Variants in INTS8 observed in about 807,000 individuals in gnomAD.
The protein encoded by INTS8 is protein kaonashi-1.
INTS8 carries 47 observed loss-of-function variants against 138.9 expected under a neutral mutation model. The observed-to-expected ratio is 0.34, with a 90% CI of 0.27 to 0.43. The LOEUF is 0.43. INTS8 is among the 20% of genes least tolerant of loss of function. The probability of loss-of-function intolerance (pLI) is 1.00; values close to 1 mark genes in which losing one functional copy is unlikely to be tolerated. For missense variants in INTS8, 996 were observed against 1,173.0 expected (o/e 0.85, Z 2.20); for synonymous variants, 392 against 400.9 (o/e 0.98, Z 0.27).
intron 10 of INTS8, among the ~76,000 whole-genome samples, chr8:94,844,752 CTTTTTT>C (rs966738887): frequency 1.5e-5 from 2 of 136,494 alleles, no homozygotes; most frequent in African/African-American, 2.7e-5. Flanking sequence ...TTTAGTTTTT[CTTTTTT>C]TTTTTTTTTT....
intron 10 of INTS8, among the ~76,000 whole-genome samples, chr8:94,845,465 C>G (rs1403950957): frequency 6.6e-6 from 1 of 152,030 alleles, no homozygotes; most frequent in South Asian, 2.1e-4. Flanking sequence ...ACCTTGTTTT[C>G]AAGGTTGTAT....
At chr8:94,847,779 A>C (rs182885481) in intron 10 of INTS8, among the ~76,000 whole-genome samples, 1 of 152,144 alleles carries the variant, frequency 6.6e-6, no homozygotes, top group African/African-American at 2.4e-5. Flanking sequence ...TGTTCCCTAC[A>C]TTGTTCCATG....
chr8:94,871,312 C>A (rs935891687), intron 20 of INTS8, among the ~76,000 whole-genome samples: 17 of 138,840 alleles, frequency 1.2e-4, no homozygotes, highest in South Asian at 2.4e-4. Context: ...ACTAAAAATA[C>A]AAAAAAAAAA....
chr8:94,865,601 C>T lies in INTS8; in HGVS notation c.2172C>T (p.Ile724=), dbSNP rs137943099. The change falls in exon 17 of 27, where the codon ATC becomes ATT. Residue 724 remains isoleucine, a synonymous_variant. Coordinates refer to ENST00000523731, the MANE Select transcript of INTS8 (RefSeq NM_017864.4). The stretch of plus-strand genomic sequence containing the variant: ...ACCTTTGGGAAGTTGTTGTTCAAAT[C>T]TGTAGTGTGTCCAGTCAGCACAAAC... ...AKDLWEVVVQ[I]CSVSSQHKRG... 110 of 1,614,004 alleles carry T rather than the reference C, an allele frequency of 6.8e-5. No individual in the cohort carries two copies. The highest frequency in any genetic ancestry group is 9.0e-5 in the Non-Finnish European group (106 of 1,179,988).
In INTS8 at chr8:94,880,144, G is replaced by A. The variant is rs1429052995; in HGVS notation, c.2898G>A (p.Leu966=). 6.2e-7 allele frequency: 1 copy of A among 1,611,272 alleles called. No individual in the cohort carries two copies. Among genetic ancestry groups the A allele is most frequent in the Admixed American group, 1.7e-5 (1 of 59,060 alleles). Residue 966 remains leucine, a synonymous_variant, in exon 27 of 27, where the codon TTG becomes TTA. Coordinates refer to ENST00000523731, the MANE Select transcript of INTS8 (RefSeq NM_017864.4). ...IAIKAIGQTE[L]NASNPEEVLQ... The stretch of plus-strand genomic sequence containing the variant: ...TCAAAGCCATCGGCCAGACAGAGTT[G>A]AATGCAAGCAATCCAGAAGAAGTGT...
intron 7 of INTS8, 135 bp downstream of exon 7, chr8:94,836,766 G>T (rs1359911575): frequency 1.1e-5 from 6 of 545,088 alleles, no homozygotes; most frequent in East Asian, 3.2e-5. Context: ...TACTAAAACT[G>T]GTTTTTAAAA....
chr8:94,844,120 C>G (rs1815242661), intron 10 of INTS8, among the ~76,000 whole-genome samples: 2 of 151,518 alleles, frequency 1.3e-5, no homozygotes, highest in African/African-American at 4.8e-5. Flanking sequence ...CTCACTGCAA[C>G]CTCCGCCTCC....
intron 16 of INTS8, 42 bp downstream of exon 16, chr8:94,859,674 T>G (rs1815881531): frequency 6.7e-7 from 1 of 1,498,378 alleles, no homozygotes; most frequent in Non-Finnish European, 9.2e-7. Context: ...GATGGTATTA[T>G]TATACTTGTT....
At chr8:94,827,497 T>C in intron 3 of INTS8, 94 bp downstream of exon 3, 5 of 1,418,328 alleles carry the variant, frequency 3.5e-6, no homozygotes, top group Non-Finnish European at 4.9e-6. Flanking sequence ...CCCATTCTGC[T>C]GCAGGGATTT....
chr8:94,870,058 T>A (rs1816337477), intron 20 of INTS8, among the ~76,000 whole-genome samples: 1 of 146,778 alleles, frequency 6.8e-6, no homozygotes. Context: ...TATTTATTTA[T>A]TTTTTTTTTT....
chr8:94,837,022 A>G (rs1370249840), intron 7 of INTS8, among the ~76,000 whole-genome samples: 1 of 152,212 alleles, frequency 6.6e-6, no homozygotes, highest in East Asian at 1.9e-4. Context: ...CTGCAAGCCT[A>G]AATTTTTCTT....
rs1814548713 is a variant in INTS8, at chr8:94,827,359, T to A, written c.402T>A (p.Thr134=). Residue 134 remains threonine, a synonymous_variant, in exon 3 of 27, where the codon ACT becomes ACA. Transcript: ENST00000523731. ...GTKHVDMDLA[T]LPPTTAMAVL... ...AGCATGTAGACATGGATCTGGCCAC[T>A]TTACCTCCGACCACTGCCATGGCTG... is the stretch of plus-strand genomic sequence containing the variant. 1.9e-6 allele frequency: 3 copies of A among 1,614,064 alleles called. No individual in the cohort carries two copies. Among genetic ancestry groups the A allele is most frequent in the Non-Finnish European group, 2.5e-6 (3 of 1,180,006 alleles).
intron 6 of INTS8, among the ~76,000 whole-genome samples, chr8:94,832,759 A>G (rs1030607926): frequency 2.6e-5 from 4 of 151,722 alleles, no homozygotes; most frequent in African/African-American, 7.3e-5. Context: ...GGTTCATGCC[A>G]TTCTCCTGCC....
chr8:94,857,721 C>A (rs1052598389), intron 15 of INTS8, among the ~76,000 whole-genome samples: 7 of 152,298 alleles, frequency 4.6e-5, no homozygotes, highest in African/African-American at 1.4e-4. Context: ...CTGTGTATGT[C>A]TGTGTTCTCT....
Position 94,824,912 on chromosome 8 carries a change from T to C in INTS8, c.150T>C (p.Leu50=). ...CCCTAGATCCTGCACCAGTTCAACTTATAGTTCAGTTTTTGGAACAGGCTT... is the reference window on the plus strand; with the variant it reads ...CCCTAGATCCTGCACCAGTTCAACTCATAGTTCAGTTTTTGGAACAGGCTT... ...KPCPDPAPVQ[L]IVQFLEQASK... is the part of the protein sequence containing the mutation. The change falls in exon 2 of 27, where the codon CTT becomes CTC. Residue 50 remains leucine, a synonymous_variant. Coordinates refer to ENST00000523731, the MANE Select transcript of INTS8 (RefSeq NM_017864.4). The C allele has an allele frequency of 6.2e-7, 1 of 1,610,468 alleles. No homozygotes were observed. The highest frequency in any genetic ancestry group is 1.1e-5 in the South Asian group (1 of 91,004).
intron 10 of INTS8, among the ~76,000 whole-genome samples, chr8:94,843,954 C>T (rs1815232548): frequency 6.7e-6 from 1 of 150,002 alleles, no homozygotes; most frequent in African/African-American, 2.4e-5. Flanking sequence ...TTAATTTTTA[C>T]TCATGGATTT....
chr8:94,879,316 C>T (rs936756400), intron 26 of INTS8, among the ~76,000 whole-genome samples: 8 of 152,102 alleles, frequency 5.3e-5, no homozygotes, highest in East Asian at 1.9e-4. Flanking sequence ...AATTCTAGGC[C>T]GGGTGCAGTG....
chr8:94,866,380 A>T (rs993239704), intron 18 of INTS8, 189 bp downstream of exon 18: 2 of 588,676 alleles, frequency 3.4e-6, no homozygotes, highest in African/African-American at 1.8e-5. Context: ...GCGTCTTCTA[A>T]TTCTTGAGGT....
intron 9 of INTS8, among the ~76,000 whole-genome samples, chr8:94,842,073 G>GA (rs796273255): frequency 0.26 from 29,949 of 115,780 alleles, 3,036 homozygotes; most frequent in Middle Eastern, 0.34. Context: ...CGTCTCAAAA[G>GA]AAAAAAAAAA....
Sources: gnomAD v4.1 joint callset for allele counts (sites outside exome capture counted in the v4.1 genomes callset) on GRCh38, gnomAD v4.1.1 for gene constraint, MANE v1.5 for transcripts, NCBI Gene and HGNC (gene_info 2026-07-23, HGNC 2026-07-21) for gene names.